Variants in ADAMTS14 observed in about 807,000 individuals in gnomAD.
ADAMTS14 encodes ADAM metallopeptidase with thrombospondin type 1 motif 14, also known as A disintegrin and metalloproteinase with thrombospondin motifs 14.
In ADAMTS14, 100 loss-of-function variants were observed where a neutral mutation model predicts 128.6. The ratio of observed to expected loss-of-function variants is 0.78; its 90% CI spans 0.66 to 0.92. ADAMTS14 has a LOEUF of 0.92. Ranked by LOEUF, ADAMTS14 falls within the 40% of genes least tolerant of loss-of-function variation. The probability of loss-of-function intolerance (pLI) is 0.00; values close to 1 mark genes in which losing one functional copy is unlikely to be tolerated. For missense variants in ADAMTS14, 1,562 were observed against 1,658.6 expected (o/e 0.94, Z 1.01); for synonymous variants, 665 against 653.8 (o/e 1.02, Z -0.26).
intron 4 of ADAMTS14, among the ~76,000 whole-genome samples, chr10:70,711,112 A>G (rs1840842791): frequency 6.6e-6 from 1 of 152,244 alleles, no homozygotes; most frequent in African/African-American, 2.4e-5. Flanking sequence ...TCGTGGGTCA[A>G]ATTGGGGGAG....
At chr10:70,751,393 GC>G in intron 16 of ADAMTS14, 84 bp from the exon 17 acceptor site, 1 of 1,343,618 alleles carries the variant, frequency 7.4e-7, no homozygotes, top group Non-Finnish European at 1.0e-6. Flanking sequence ...CGACCCTAAG[GC>G]CTTCTCTTCG....
At position 70,678,593 on chromosome 10, in the gene ADAMTS14, C is replaced by T. The variant is rs113785494; in HGVS notation, c.522+3598C>T. 2.2e-3 allele frequency among the ~76,000 whole-genome samples: 331 copies of T among 149,418 alleles called. 1 individual carries two copies. The highest frequency in any genetic ancestry group is 3.5e-3 in the Non-Finnish European group (234 of 67,580). On this transcript the variant is annotated intron_variant, in intron 2 of 21. Transcript: ENST00000373207. Reference sequence around the variant, plus strand: ...GCTGGGGAGTGGACCCTAGAAGACACGCGGGGCAGGGGGGCTTGGTCTGAC... The same window carrying T: ...GCTGGGGAGTGGACCCTAGAAGACATGCGGGGCAGGGGGGCTTGGTCTGAC...
chr10:70,713,585 C>A (rs1322076247), intron 4 of ADAMTS14, among the ~76,000 whole-genome samples: 1 of 152,234 alleles, frequency 6.6e-6, no homozygotes, highest in African/African-American at 2.4e-5. Context: ...GAAACAGGAA[C>A]AACCCAGGTC....
At chr10:70,703,785 G>A (rs1021547506) in intron 3 of ADAMTS14, among the ~76,000 whole-genome samples, 4 of 152,236 alleles carry the variant, frequency 2.6e-5, no homozygotes, top group Admixed American at 1.3e-4. Context: ...CTGAGCACAC[G>A]GAGCTGGAGT....
chr10:70,729,950 A>G, intron 5 of ADAMTS14, 152 bp from the exon 6 acceptor site: 1 of 866,788 alleles, frequency 1.2e-6, no homozygotes, highest in South Asian at 2.1e-5. Context: ...GTGTGCCAGC[A>G]GCAGTTGAGT....
At chr10:70,726,487 G>A (rs911607005) in intron 4 of ADAMTS14, among the ~76,000 whole-genome samples, 5 of 152,206 alleles carry the variant, frequency 3.3e-5, no homozygotes, top group Non-Finnish European at 7.3e-5. Context: ...CTGCCCCCGG[G>A]ATAACTGATG....
intron 16 of ADAMTS14, among the ~76,000 whole-genome samples, chr10:70,750,328 T>G (rs1444974230): frequency 6.6e-6 from 1 of 152,184 alleles, no homozygotes; most frequent in African/African-American, 2.4e-5. Context: ...CATCGTAGCA[T>G]GGCTGGCAAG....
Position 70,757,985 on chromosome 10 carries a change from C to T in ADAMTS14, c.2961C>T (p.Gly987=). Residue 987 remains glycine (G), a synonymous_variant, in exon 20 of 22, where the codon GGC becomes GGT. Transcript: ENST00000373207. ...AGTGCTCTGCCACCTGTGGAGAGGG[C>T]ATCCAGCAGCGGCAGGTGGTGTGCA... The part of the protein sequence containing the change: ...WSQCSATCGE[G]IQQRQVVCRT... 6.2e-7 allele frequency: 1 copy of T among 1,612,384 alleles called. No homozygotes were observed. The highest frequency in any genetic ancestry group is 8.5e-7 in the Non-Finnish European group (1 of 1,179,464).
rs1004163289 is a variant in ADAMTS14 at position 70,735,184 on chromosome 10, C to T, written c.1368C>T (p.Leu456=). Residue 456 remains leucine, a synonymous_variant, in exon 9 of 22, where the codon CTC becomes CTT. Coordinates refer to ENST00000373207, the MANE Select transcript of ADAMTS14 (RefSeq NM_080722.4). The part of the protein sequence containing the change: ...LSRYLPSYDC[L]LDDPFDPAWP... ...CTACTGGCAGCTCCTACGACTGCCT[C>T]CTCGATGACCCCTTTGATCCTGCCT... is the stretch of plus-strand genomic sequence containing the variant. The T allele has an allele frequency of 2.5e-6, 4 of 1,612,472 alleles. No homozygotes were observed. The African/African-American group carries it at 5.3e-5, about 22-fold the overall frequency.
At chr10:70,723,133 A>G (rs572792774) in intron 4 of ADAMTS14, among the ~76,000 whole-genome samples, 20 of 152,296 alleles carry the variant, frequency 1.3e-4, no homozygotes, top group East Asian at 9.6e-4. Context: ...TTCCTCCCCA[A>G]TAGCCCCCAT....
intron 10 of ADAMTS14, among the ~76,000 whole-genome samples, chr10:70,738,392 T>G (rs1841890301): frequency 6.6e-6 from 1 of 152,184 alleles, no homozygotes; most frequent in Admixed American, 6.5e-5. Context: ...TTCCACTGCA[T>G]GCACAGACCT....
chr10:70,682,833 T>A (rs186125297), intron 2 of ADAMTS14, among the ~76,000 whole-genome samples: 158 of 152,320 alleles, frequency 1.0e-3, no homozygotes, highest in Non-Finnish European at 1.8e-3. Flanking sequence ...TGCACCTTGC[T>A]TCTCCTTCAG....
intron 12 of ADAMTS14, among the ~76,000 whole-genome samples, chr10:70,742,191 C>A (rs762735064): frequency 6.6e-6 from 1 of 152,196 alleles, no homozygotes; most frequent in Non-Finnish European, 1.5e-5. Context: ...GCTCACCACT[C>A]CCTTCGCACT....
At chr10:70,707,885 T>C (rs1053398083) in intron 3 of ADAMTS14, among the ~76,000 whole-genome samples, 3 of 152,248 alleles carry the variant, frequency 2.0e-5, no homozygotes, top group Non-Finnish European at 4.4e-5. Flanking sequence ...CATCTGCGAC[T>C]GATTTTGTGC....
intron 15 of ADAMTS14, among the ~76,000 whole-genome samples, chr10:70,747,564 C>T (rs1842216852): frequency 6.6e-6 from 1 of 152,218 alleles, no homozygotes; most frequent in African/African-American, 2.4e-5. Flanking sequence ...GGGATGATTT[C>T]AGAACATTAG....
At chr10:70,730,339 T>C in intron 6 of ADAMTS14, 90 bp downstream of exon 6, 1 of 1,486,410 alleles carries the variant, frequency 6.7e-7, no homozygotes, top group South Asian at 1.3e-5. Flanking sequence ...GGCTCTCTTC[T>C]GGGGCCCACC....
chr10:70,674,035 T>G (rs1293242105), intron 1 of ADAMTS14, among the ~76,000 whole-genome samples: 6 of 152,190 alleles, frequency 3.9e-5, no homozygotes, highest in Non-Finnish European at 5.9e-5. Flanking sequence ...ACCGCTCCCC[T>G]CTGCAGCCCC....
chr10:70,762,408 A>G lies in ADAMTS14; in HGVS notation c.*1555A>G, dbSNP rs149017971. 1 of 152,328 alleles carries G rather than the reference A, an allele frequency of 6.6e-6. No homozygotes were observed. The highest frequency in any genetic ancestry group is 1.9e-4 in the East Asian group (1 of 5,182). The allele number at this position is 152,328 out of a possible 1,614,324, so 9.4% of individuals were successfully genotyped here. The stretch of plus-strand genomic sequence containing the variant: ...TGGAAATCCAGATCTTTAAAATTTT[A>G]TGTATTTATTAACATCGCCATTGGA... On this transcript the variant is annotated 3_prime_UTR_variant, in exon 22 of 22. Coordinates refer to ENST00000373207, the MANE Select transcript of ADAMTS14 (RefSeq NM_080722.4).
At chr10:70,749,402 C>T (rs941888569) in intron 15 of ADAMTS14, among the ~76,000 whole-genome samples, 1 of 152,294 alleles carries the variant, frequency 6.6e-6, no homozygotes, top group Admixed American at 6.5e-5. Context: ...AATCCGACTC[C>T]AGAGTCTGTA....
Sources: allele counts gnomAD v4.1 joint callset (sites outside exome capture counted in the v4.1 genomes callset), GRCh38; gene constraint gnomAD v4.1.1; transcripts MANE v1.5; gene names NCBI Gene and HGNC (gene_info 2026-07-23, HGNC 2026-07-21).